Variants in CLUL1 observed in about 807,000 individuals in gnomAD.
The protein encoded by CLUL1 is clusterin like 1.
CLUL1 carries 43 observed loss-of-function variants against 49.4 expected under a neutral mutation model. The observed-to-expected ratio is 0.87, with a 90% CI of 0.68 to 1.12. CLUL1 has a LOEUF of 1.12. Among genes scored for constraint, CLUL1 ranks in the 50% most tolerant of loss-of-function variants. The probability of loss-of-function intolerance (pLI) is 0.00; values close to 1 mark genes in which losing one functional copy is unlikely to be tolerated. For missense variants in CLUL1, 486 were observed against 544.4 expected (o/e 0.89, Z 1.07); for synonymous variants, 192 against 184.9 (o/e 1.04, Z -0.31).
At chr18:644,726 G>A (rs1265797218) in intron 8 of CLUL1, among the ~76,000 whole-genome samples, 184 bp from the exon 9 acceptor site, 1 of 152,208 alleles carries the variant, frequency 6.6e-6, no homozygotes, top group South Asian at 2.1e-4. Context: ...CTGGTGTGGA[G>A]CCCTTGTAAT....
intron 1 of CLUL1, among the ~76,000 whole-genome samples, chr18:599,496 G>T (rs1207104380): frequency 6.6e-6 from 1 of 152,156 alleles, no homozygotes; most frequent in African/African-American, 2.4e-5. Flanking sequence ...AGGTGATGGT[G>T]ATTGTAAATG....
Position 635,243 on chromosome 18 carries a change from G to A in CLUL1, c.994+1808G>A, listed in dbSNP as rs190709371. Among the ~76,000 whole-genome samples the A allele has an allele frequency of 1.2e-4, 19 of 152,266 alleles. 1 individual carries two copies. The East Asian group carries it at 3.7e-3, about 29-fold the overall frequency. ...ATTTTTCCAAAGATGGTGGGGCAGG[G>A]GGCACGTTTGGGGATGATCATCAGG... On this transcript the variant is annotated intron_variant, in intron 7 of 9. Transcript: ENST00000692774.
chr18:646,731 CCTTT>C (rs1459441429), intron 9 of CLUL1, among the ~76,000 whole-genome samples: 1 of 151,644 alleles, frequency 6.6e-6, no homozygotes, highest in Non-Finnish European at 1.5e-5. Flanking sequence ...CTGTCCTCTC[CCTTT>C]CTTTCCTTTT....
chr18:623,706 G>GAC (rs1217970433), intron 4 of CLUL1, among the ~76,000 whole-genome samples: 5 of 147,666 alleles, frequency 3.4e-5, no homozygotes, highest in Admixed American at 2.0e-4. Flanking sequence ...AAAGTCCAAG[G>GAC]ACACACACAC....
intron 4 of CLUL1, among the ~76,000 whole-genome samples, chr18:620,635 T>C (rs2073464840): frequency 6.6e-6 from 1 of 152,212 alleles, no homozygotes; most frequent in Non-Finnish European, 1.5e-5. Context: ...TATCCAATAA[T>C]GCATCAGCCT....
At chr18:613,058 G>A (rs1241687311) in intron 2 of CLUL1, 3 of 332,356 alleles carry the variant, frequency 9.0e-6, no homozygotes, top group African/African-American at 6.5e-5. Context: ...ATTCAAACTA[G>A]ATCTTTTTCA....
At chr18:648,439 C>T (rs1016533612) in intron 9 of CLUL1, among the ~76,000 whole-genome samples, 6 of 152,116 alleles carry the variant, frequency 3.9e-5, no homozygotes, top group East Asian at 1.9e-4. Flanking sequence ...AACATTTAGA[C>T]GACAAAAATT....
intron 5 of CLUL1, among the ~76,000 whole-genome samples, chr18:625,518 AAC>A (rs3221054): frequency 0.047 from 6,817 of 144,622 alleles, 250 homozygotes; most frequent in African/African-American, 0.097. Context: ...CCTTATGCAT[AAC>A]ACACACACAC....
Position 606,918 on chromosome 18 carries a change from T to A in CLUL1, c.-135-60T>A. On this transcript the variant is annotated intron_variant, in intron 1 of 9. Coordinates refer to ENST00000692774, the MANE Select transcript of CLUL1 (RefSeq NM_001393344.1). The surrounding 1 kb of genome is among the most constrained non-coding windows in gnomAD (Gnocchi z 4.1). Reference sequence around the variant, plus strand: ...CTACTTTGCAGTGTTCATAGAATATTTGTAATAATTTTAGGCGGCTCCCTA... The same window carrying A: ...CTACTTTGCAGTGTTCATAGAATATATGTAATAATTTTAGGCGGCTCCCTA... 1.7e-6 allele frequency: 1 copy of A among 585,280 alleles called. No individual in the cohort carries two copies. The highest frequency in any genetic ancestry group is 3.0e-6 in the Non-Finnish European group (1 of 330,080). The allele number at this position is 585,280 out of a possible 1,614,324, so 36.3% of individuals were successfully genotyped here.
intron 6 of CLUL1, among the ~76,000 whole-genome samples, chr18:628,583 C>G (rs2073882186): frequency 6.6e-6 from 1 of 152,046 alleles, no homozygotes; most frequent in Non-Finnish European, 1.5e-5. Flanking sequence ...AGGCTGCTCC[C>G]CTCTGAGATG....
chr18:646,993 C>T (rs977456980), intron 9 of CLUL1, among the ~76,000 whole-genome samples: 7 of 152,052 alleles, frequency 4.6e-5, no homozygotes, highest in African/African-American at 1.2e-4. Context: ...TCAAGTAATC[C>T]ACCCACCTTG....
At chr18:601,237 T>C (rs963928160) in intron 1 of CLUL1, among the ~76,000 whole-genome samples, 5 of 152,242 alleles carry the variant, frequency 3.3e-5, no homozygotes, top group African/African-American at 4.8e-5. Flanking sequence ...TGGATATTTC[T>C]GTTTCCAAGT....
Position 641,552 on chromosome 18 carries a change from G to A in CLUL1, c.1209+11G>A. ...TTTAATTCAATACAGGTAAAGGAGA[G>A]ACCCAAGAGCAGATACGGAAATGAC... On this transcript the variant is annotated intron_variant, in intron 8 of 9. Transcript: ENST00000692774. 1 of 1,609,306 alleles carries A rather than the reference G, an allele frequency of 6.2e-7. No homozygotes were observed. Among genetic ancestry groups the A allele is most frequent in the Non-Finnish European group, 8.5e-7 (1 of 1,175,890 alleles).
intron 2 of CLUL1, among the ~76,000 whole-genome samples, chr18:615,409 G>T (rs1299775372): frequency 6.6e-6 from 1 of 152,196 alleles, no homozygotes; most frequent in African/African-American, 2.4e-5. Context: ...GTGTGTGATT[G>T]GTTTTGCTTC....
chr18:598,666 C>T, intron 1 of CLUL1: 1 of 397,900 alleles, frequency 2.5e-6, no homozygotes. Context: ...TGGTTTTCTA[C>T]AGCTGGTCCA....
chr18:629,272 G>A (rs937012442), intron 6 of CLUL1, among the ~76,000 whole-genome samples: 1 of 152,108 alleles, frequency 6.6e-6, no homozygotes, highest in Admixed American at 6.5e-5. Flanking sequence ...TAAACACCAG[G>A]CGAGTAGACT....
chr18:598,402 G>A, intron 1 of CLUL1: 1 of 394,764 alleles, frequency 2.5e-6, no homozygotes, highest in Non-Finnish European at 4.5e-6. Flanking sequence ...AGTGTAAAGG[G>A]TCTGAATTTA....
chr18:644,125 A>C (rs1352032529), intron 8 of CLUL1, among the ~76,000 whole-genome samples: 1 of 152,236 alleles, frequency 6.6e-6, no homozygotes, highest in Non-Finnish European at 1.5e-5. Flanking sequence ...TAATAGTTAC[A>C]TGGGTGTTGA....
intron 9 of CLUL1, among the ~76,000 whole-genome samples, chr18:645,669 C>T (rs2144203648): frequency 6.7e-6 from 1 of 149,266 alleles, no homozygotes. Context: ...TGGCGGGCGC[C>T]TGTAGTCCCA....
Sources: gnomAD v4.1 joint callset for allele counts (sites outside exome capture counted in the v4.1 genomes callset) on GRCh38, gnomAD v4.1.1 for gene constraint, Gnocchi (gnomAD v3.1) non-coding constraint, MANE v1.5 for transcripts, NCBI Gene and HGNC (gene_info 2026-07-23, HGNC 2026-07-21) for gene names.